Variants in KRT27 observed in about 807,000 individuals in gnomAD.
KRT27 encodes the protein keratin, type I cytoskeletal 27.
KRT27 carries 30 observed loss-of-function variants against 45.3 expected under a neutral mutation model. That is an observed-to-expected ratio of 0.66 (90% CI 0.50 to 0.90). KRT27 has a LOEUF of 0.90. KRT27 is among the 40% of genes least tolerant of loss of function. The pLI is 0.00. For synonymous variants in KRT27, 204 were observed against 223.9 expected, an observed-to-expected ratio of 0.91 and a Z score of 0.79; for missense variants, 610 against 564.3, an observed-to-expected ratio of 1.08 and a Z score of -0.82.
At chr17:40,777,467 TTAG>T in intron 6 of KRT27, 45 bp downstream of exon 6, 2 of 1,601,046 alleles carry the variant, frequency 1.2e-6, no homozygotes, top group Non-Finnish European at 1.7e-6. Context: ...CAAATCATCT[TTAG>T]TAACCTTAAA....
chr17:40,778,067 C>T, intron 5 of KRT27: 1 of 248,188 alleles, frequency 4.0e-6, no homozygotes, highest in Non-Finnish European at 7.8e-6. Flanking sequence ...TGCTACTTTA[C>T]CCACAACTAG....
In KRT27 at chr17:40,782,433, C is replaced by T. The variant is rs758556747; in HGVS notation, c.61G>A (p.Val21Met). Reference protein sequence around the residue: ...RLGSCGGTGSVRLSSGGAGFG... With the variant: ...RLGSCGGTGSMRLSSGGAGFG... The stretch of plus-strand genomic sequence containing the variant: ...CCTGCTCCCCCACTAGAGAGCCTCA[C>T]AGAGCCAGTGCCCCCGCAAGAGCCA... Residue 21 changes from valine to methionine, a missense_variant, in exon 1 of 8, where the codon GTG becomes ATG. By Grantham distance (21) the Val-to-Met change is conservative. Coordinates refer to ENST00000301656, the MANE Select transcript of KRT27 (RefSeq NM_181537.4). 2 of 1,610,518 alleles carry T rather than the reference C, an allele frequency of 1.2e-6. No homozygotes were observed. Among genetic ancestry groups the T allele is most frequent in the Non-Finnish European group, 1.7e-6 (2 of 1,178,350 alleles).
chr17:40,780,419 C>T lies in KRT27; in HGVS notation c.565G>A (p.Ala189Thr). 2.5e-6 allele frequency: 4 copies of T among 1,613,834 alleles called. No homozygotes were observed. The highest frequency in any genetic ancestry group is 3.4e-6 in the Non-Finnish European group (4 of 1,179,948). Residue 189 changes from alanine to threonine, a missense_variant, in exon 3 of 8, where the codon GCG becomes ACG. Ala to Thr is a moderately conservative substitution (Grantham distance 58, BLOSUM62 0). Transcript: ENST00000301656. ...ACTCTTCGCAAACCATTGATGTCCGCCTCCACGCTCTGGTGAAGCGCTAGC... is the reference window on the plus strand; with the variant it reads ...ACTCTTCGCAAACCATTGATGTCCGTCTCCACGCTCTGGTGAAGCGCTAGC... ...NELALHQSVE[A>T]DINGLRRVLD...
Position 40,779,594 on chromosome 17 carries a change from C to A in KRT27, c.880G>T (p.Ala294Ser), listed in dbSNP as rs751973798. The A allele has an allele frequency of 1.5e-5, 24 of 1,614,088 alleles. No homozygotes were observed. The highest frequency in any genetic ancestry group is 1.9e-5 in the Non-Finnish European group (22 of 1,180,020). ...ASLQQQISDDAGATTSARNEL... is the reference protein window; with the variant it reads ...ASLQQQISDDSGATTSARNEL... ...TTCCGGGCTGAGGTGGTGGCGCCAG[C>A]GTCGTCAGAGATCTGCTGCTGCAGC... is the stretch of plus-strand genomic sequence containing the variant. The change falls in exon 5 of 8, where the codon GCT (alanine) becomes TCT (serine). Residue 294 changes from alanine to serine, a missense_variant. Ala to Ser is a moderately conservative substitution (Grantham distance 99). Coordinates refer to ENST00000301656, the MANE Select transcript of KRT27 (RefSeq NM_181537.4).
At position 40,779,722 on chromosome 17, in the gene KRT27, G is replaced by C; in HGVS notation, c.824C>G (p.Ala275Gly). ...EALAEQNRRD[A>G]EAWFNEKSAS... ...TACCTTTTCGTTGAACCAGGCCTCC[G>C]CGTCCCTGCGGTTCTGCTCTGCGAG... The change falls in exon 4 of 8, where the codon GCG (alanine) becomes GGG (glycine). Residue 275 changes from alanine (A) to glycine (G), a missense_variant. Coordinates refer to ENST00000301656, the MANE Select transcript of KRT27 (RefSeq NM_181537.4). 1 of 1,614,026 alleles carries C rather than the reference G, an allele frequency of 6.2e-7. No individual in the cohort carries two copies. Among genetic ancestry groups the C allele is most frequent in the Non-Finnish European group, 8.5e-7 (1 of 1,179,910 alleles).
At position 40,779,693 on chromosome 17, in the gene KRT27, G is replaced by GT. The variant is rs148669270; in HGVS notation, c.846+6dup. Reference sequence around the variant, plus strand: ...CCGCGCCCGGGCGCACCCAAGCGTGGTTTTACCTTTTCGTTGAACCAGGCC... The same window carrying GT: ...CCGCGCCCGGGCGCACCCAAGCGTGGTTTTTACCTTTTCGTTGAACCAGGCC... On this transcript the variant is annotated splice_region_variant and intron_variant, in intron 4 of 7. Transcript: ENST00000301656. 9.0e-4 allele frequency: 1,451 copies of GT among 1,613,800 alleles called. 13 individuals are homozygous for GT. The African/African-American group carries it at 0.017, about 19-fold the overall frequency.
chr17:40,779,602 G>A lies in KRT27; in HGVS notation c.872C>T (p.Ser291Phe), dbSNP rs768157714. 5 of 1,614,104 alleles carry A rather than the reference G, an allele frequency of 3.1e-6. No individual in the cohort carries two copies. The highest frequency in any genetic ancestry group is 1.7e-5 in the Admixed American group (1 of 60,010). ...TGAGGTGGTGGCGCCAGCGTCGTCA[G>A]AGATCTGCTGCTGCAGCGAGGCGCT... ...EKSASLQQQI[S>F]DDAGATTSAR... The change falls in exon 5 of 8, where the codon TCT (serine) becomes TTT (phenylalanine). Residue 291 changes from serine to phenylalanine, a missense_variant. Ser to Phe is a radical substitution (Grantham distance 155). Coordinates refer to ENST00000301656, the MANE Select transcript of KRT27 (RefSeq NM_181537.4).
At position 40,780,395 on chromosome 17, in the gene KRT27, C is replaced by T. The variant is rs759558400; in HGVS notation, c.589G>A (p.Val197Ile). The change falls in exon 3 of 8, where the codon GTC (valine) becomes ATC (isoleucine). Residue 197 changes from valine to isoleucine, a missense_variant. Physicochemically the swap from Val to Ile is conservative, Grantham distance 29. Transcript: ENST00000301656. ...CTGCACAAGGTCAGCTCATCCAGGA[C>T]TCTTCGCAAACCATTGATGTCCGCC... ...VEADINGLRR[V>I]LDELTLCRTD... The T allele has an allele frequency of 1.9e-6, 3 of 1,613,796 alleles. No individual in the cohort carries two copies. Among genetic ancestry groups the T allele is most frequent in the Non-Finnish European group, 2.5e-6 (3 of 1,179,944 alleles).
Position 40,779,560 on chromosome 17 carries a change from A to G in KRT27, c.914T>C (p.Ile305Thr), listed in dbSNP as rs981684. Residue 305 changes from isoleucine to threonine, a missense_variant, in exon 5 of 8, where the codon ATC becomes ACC. Transcript: ENST00000301656. ...GGTTTGAAGAGTGCGTTTCATCTCG[A>G]TAAGCTCATTCCGGGCTGAGGTGGT... ...GATTSARNELIEMKRTLQTLE... is the reference protein window; with the variant it reads ...GATTSARNELTEMKRTLQTLE... 881,554 of 1,613,896 alleles carry G rather than the reference A, an allele frequency of 0.55. 244,149 individuals carry two copies. The highest frequency in any genetic ancestry group is 0.83 in the East Asian group (37,385 of 44,870).
At chr17:40,780,647 T>C (rs1436357729) in intron 2 of KRT27, among the ~76,000 whole-genome samples, 191 bp from the exon 3 acceptor site, 1 of 150,486 alleles carries the variant, frequency 6.6e-6, no homozygotes, top group Non-Finnish European at 1.5e-5. Flanking sequence ...GATCACGAGG[T>C]CAGGAGATCG....
Position 40,777,274 on chromosome 17 carries a change from C to T in KRT27, c.1219G>A (p.Gly407Ser). 1.2e-6 allele frequency: 2 copies of T among 1,613,892 alleles called. No homozygotes were observed. Among genetic ancestry groups the T allele is most frequent in the Non-Finnish European group, 1.7e-6 (2 of 1,179,958 alleles). The stretch of plus-strand genomic sequence containing the variant: ...TTACCTTTTGTTTGATTTCCTGGGC[C>T]TCCATAGCCTTTTGATTTAGAACAG... ...GSCSKSKGYGGPGNQTKDSSK... is the reference protein window; with the variant it reads ...GSCSKSKGYGSPGNQTKDSSK... Residue 407 changes from glycine (G) to serine (S), a missense_variant, in exon 7 of 8, where the codon GGC (glycine) becomes AGC (serine). Transcript: ENST00000301656.
chr17:40,779,448 G>A (rs567124584), intron 5 of KRT27, 54 bp downstream of exon 5: 8 of 1,561,736 alleles, frequency 5.1e-6, no homozygotes, highest in Admixed American at 2.0e-5. Context: ...AATTCTCTTC[G>A]ATTATTTTTT....
At position 40,779,540 on chromosome 17, in the gene KRT27, GAA is replaced by G; in HGVS notation, c.932_933del (p.Leu311ProfsTer4). The stretch of plus-strand genomic sequence containing the variant: ...GACTGAAGTTCAATCTCAAGGGTTT[GAA>G]GAGTGCGTTTCATCTCGATAAGCTC... ...RNELIEMKRT[L>X]QTLEIELQSL... On this transcript the variant is annotated frameshift_variant, in exon 5 of 8. Transcript: ENST00000301656. LOFTEE classifies it high-confidence loss of function. The G allele has an allele frequency of 6.2e-7, 1 of 1,614,230 alleles. No individual in the cohort carries two copies. The highest frequency in any genetic ancestry group is 1.6e-4 in the Middle Eastern group (1 of 6,062).
chr17:40,782,462 C>A lies in KRT27; in HGVS notation c.32G>T (p.Arg11Ile). 1 of 1,595,666 alleles carries A rather than the reference C, an allele frequency of 6.3e-7. No homozygotes were observed. The highest frequency in any genetic ancestry group is 1.1e-5 in the South Asian group (1 of 88,570). Reference protein sequence around the residue: MSVRFSSTSRRLGSCGGTGSV... With the variant: MSVRFSSTSRILGSCGGTGSV... The stretch of plus-strand genomic sequence containing the variant: ...GCCAGTGCCCCCGCAAGAGCCAAGT[C>A]TCCTGGAGGTAGAAGAAAAGCGCAC... Residue 11 changes from arginine to isoleucine, a missense_variant, in exon 1 of 8, where the codon AGA (arginine) becomes ATA (isoleucine). Coordinates refer to ENST00000301656, the MANE Select transcript of KRT27 (RefSeq NM_181537.4).
chr17:40,777,019 C>T lies in KRT27; in HGVS notation c.1360G>A (p.Glu454Lys). ...EKSTKVNNKN[E>K]QRVSS ...GGAGTTCAGGAAGACACCCTCTGTT[C>T]ATTCTTGTTGTTGACTTTGGTGGAT... Residue 454 changes from glutamate to lysine, a missense_variant, in exon 8 of 8, where the codon GAA (glutamate) becomes AAA (lysine). Physicochemically the swap from Glu to Lys is moderately conservative, Grantham distance 56. Coordinates refer to ENST00000301656, the MANE Select transcript of KRT27 (RefSeq NM_181537.4). 1 of 1,613,142 alleles carries T rather than the reference C, an allele frequency of 6.2e-7. No homozygotes were observed. Among genetic ancestry groups the T allele is most frequent in the Non-Finnish European group, 8.5e-7 (1 of 1,179,208 alleles).
At chr17:40,777,210 A>G in intron 7 of KRT27, 43 bp downstream of exon 7, 1 of 1,610,562 alleles carries the variant, frequency 6.2e-7, no homozygotes, top group Non-Finnish European at 8.5e-7. Context: ...CATTTGAAAC[A>G]CATACAAATA....
Position 40,780,364 on chromosome 17 carries a change from T to G in KRT27, c.620A>C (p.Asp207Ala), listed in dbSNP as rs773011991. 6.2e-7 allele frequency: 1 copy of G among 1,613,198 alleles called. No homozygotes were observed. Among genetic ancestry groups the G allele is most frequent in the South Asian group, 1.1e-5 (1 of 90,768 alleles). Residue 207 changes from aspartate to alanine, a missense_variant, in exon 3 of 8, where the codon GAC (aspartate) becomes GCC (alanine). Physicochemically the swap from Asp to Ala is moderately radical, Grantham distance 126. Transcript: ENST00000301656. The stretch of plus-strand genomic sequence containing the variant: ...GAGAGTTTCCAGCTGGATCTCCAGG[T>G]CCGTTCTGCACAAGGTCAGCTCATC... ...VLDELTLCRTDLEIQLETLSE... is the reference protein window; with the variant it reads ...VLDELTLCRTALEIQLETLSE...
Position 40,782,540 on chromosome 17 carries a change from G to A in KRT27, c.-47C>T, listed in dbSNP as rs1426940376. On this transcript the variant is annotated 5_prime_UTR_variant, in exon 1 of 8. Transcript: ENST00000301656. ...TTGTTTCTGCGGTGATGCTCTGATG[G>A]TGAACGGCCTACTCAAACAGCTTGG... is the stretch of plus-strand genomic sequence containing the variant. 5 of 1,432,236 alleles carry A rather than the reference G, an allele frequency of 3.5e-6. No individual in the cohort carries two copies. In the Admixed American group the frequency reaches 1.3e-4, roughly 37 times the overall value. The allele number at this position is 1,432,236 out of a possible 1,614,324, so 88.7% of individuals were successfully genotyped here.
intron 1 of KRT27, among the ~76,000 whole-genome samples, chr17:40,781,490 C>T (rs1354344651): frequency 1.3e-5 from 2 of 152,210 alleles, no homozygotes; most frequent in African/African-American, 4.8e-5. Flanking sequence ...AGTGCAGTGG[C>T]ACGATCTTGG....
Sources: gnomAD v4.1 joint callset for allele counts (sites outside exome capture counted in the v4.1 genomes callset) on GRCh38, gnomAD v4.1.1 for gene constraint, MANE v1.5 for transcripts, NCBI Gene and HGNC (gene_info 2026-07-23, HGNC 2026-07-21) for gene names.